CFTR: variants seen among roughly 807,000 people sequenced by gnomAD.
CFTR encodes cystic fibrosis transmembrane conductance regulator.
A neutral mutation model predicts 171.6 loss-of-function variants in CFTR; 181 were observed. The observed-to-expected ratio is 1.05, with a 90% CI of 0.93 to 1.19. The LOEUF is 1.19. Ranked by LOEUF, CFTR falls within the 50% of genes most tolerant of loss-of-function variation. The pLI, the probability that CFTR is intolerant of heterozygous loss-of-function variation, is 0.00. For missense variants in CFTR, 1,968 were observed against 1,734.7 expected, an observed-to-expected ratio of 1.13 and a Z score of -2.39; for synonymous variants, 583 against 608.0, an observed-to-expected ratio of 0.96 and a Z score of 0.60.
chr7:117,533,471 T>G (rs916182296), intron 4 of CFTR, among the ~76,000 whole-genome samples: 3 of 152,112 alleles, frequency 2.0e-5, no homozygotes, highest in African/African-American at 7.2e-5. Flanking sequence ...GAAGAAGGGA[T>G]TGTGTTTTCA....
chr7:117,658,309 A>G (rs1440806593), intron 24 of CFTR, among the ~76,000 whole-genome samples: 1 of 152,168 alleles, frequency 6.6e-6, no homozygotes, highest in Non-Finnish European at 1.5e-5. Flanking sequence ...TTTCAAGTTT[A>G]CATGTAAAAT....
chr7:117,489,443 A>C (rs900765440), intron 1 of CFTR, among the ~76,000 whole-genome samples: 1 of 152,114 alleles, frequency 6.6e-6, no homozygotes, highest in African/African-American at 2.4e-5. Context: ...TTCTATAACC[A>C]ATATCACCTT....
chr7:117,579,059 C>T (rs1327829863), intron 11 of CFTR, among the ~76,000 whole-genome samples: 1 of 151,820 alleles, frequency 6.6e-6, no homozygotes, highest in Non-Finnish European at 1.5e-5. Flanking sequence ...TTTTTTTCTA[C>T]TTGCAATAAC....
At chr7:117,643,298 G>A (rs536239097) in intron 23 of CFTR, among the ~76,000 whole-genome samples, 15 of 152,132 alleles carry the variant, frequency 9.9e-5, no homozygotes, top group African/African-American at 3.4e-4. Flanking sequence ...TAGTCTTTCC[G>A]GGTATATTCA....
At chr7:117,645,127 C>G (rs548315620) in intron 23 of CFTR, among the ~76,000 whole-genome samples, 46 of 152,076 alleles carry the variant, frequency 3.0e-4, no homozygotes, top group Non-Finnish European at 5.4e-4. Context: ...GCATCTTTTG[C>G]TCTGGGAGAT....
chr7:117,496,646 G>A (rs1018492400), intron 1 of CFTR, among the ~76,000 whole-genome samples: 9 of 152,184 alleles, frequency 5.9e-5, no homozygotes, highest in African/African-American at 2.2e-4. Context: ...TTGTGTACAA[G>A]TTTTTGTGCA....
At chr7:117,484,006 TATG>T (rs1230938645) in intron 1 of CFTR, among the ~76,000 whole-genome samples, 1 of 152,212 alleles carries the variant, frequency 6.6e-6, no homozygotes, top group African/African-American at 2.4e-5. Context: ...TTATATAAAT[TATG>T]ATACACTATT....
chr7:117,573,905 G>C (rs942993619), intron 11 of CFTR, among the ~76,000 whole-genome samples: 2 of 152,090 alleles, frequency 1.3e-5, no homozygotes, highest in Non-Finnish European at 1.5e-5. Flanking sequence ...AATTTTTGTG[G>C]ATAACTCCAA....
chr7:117,630,709 G>A (rs1439390932), intron 22 of CFTR, among the ~76,000 whole-genome samples: 3 of 152,150 alleles, frequency 2.0e-5, no homozygotes, highest in African/African-American at 7.2e-5. Flanking sequence ...CCAGTCCACG[G>A]TGGGCATGCC....
chr7:117,595,187 A>C, intron 15 of CFTR, 129 bp downstream of exon 15: 1 of 667,626 alleles, frequency 1.5e-6, no homozygotes. Context: ...AAGTATGCAT[A>C]TATACACACA....
intron 21 of CFTR, 51 bp from the exon 22 acceptor site, chr7:117,627,471 T>C: frequency 6.3e-7 from 1 of 1,599,298 alleles, no homozygotes; most frequent in Non-Finnish European, 8.6e-7. Context: ...AAACTAATTG[T>C]GAAATTGTCT....
At chr7:117,577,398 A>T (rs1254818817) in intron 11 of CFTR, among the ~76,000 whole-genome samples, 2 of 152,154 alleles carry the variant, frequency 1.3e-5, no homozygotes, top group Non-Finnish European at 2.9e-5. Flanking sequence ...TGAATGATGA[A>T]CAACTTGAAT....
intron 22 of CFTR, among the ~76,000 whole-genome samples, chr7:117,637,087 G>A (rs1047901863): frequency 2.6e-5 from 4 of 152,238 alleles, no homozygotes; most frequent in Middle Eastern, 3.4e-3. Context: ...AAATTGCTGG[G>A]ATTATAGGTG....
At chr7:117,498,227 A>G (rs1369650260) in intron 1 of CFTR, among the ~76,000 whole-genome samples, 4 of 152,140 alleles carry the variant, frequency 2.6e-5, no homozygotes, top group African/African-American at 9.6e-5. Context: ...TTACCTACCT[A>G]GAGAAAGAAA....
At chr7:117,557,049 C>A (rs1466714104) in intron 10 of CFTR, among the ~76,000 whole-genome samples, 2 of 151,638 alleles carry the variant, frequency 1.3e-5, no homozygotes, top group Non-Finnish European at 2.9e-5. Flanking sequence ...AGATGTTTGA[C>A]GCTTTTTTAA....
intron 11 of CFTR, among the ~76,000 whole-genome samples, chr7:117,583,694 G>A (rs1198352520): frequency 1.3e-5 from 2 of 151,874 alleles, no homozygotes; most frequent in Non-Finnish European, 2.9e-5. Flanking sequence ...ATACCCAGCA[G>A]TGGGACTGCT....
intron 1 of CFTR, among the ~76,000 whole-genome samples, chr7:117,492,724 G>A (rs991997456): frequency 2.6e-5 from 4 of 151,914 alleles, no homozygotes; most frequent in African/African-American, 9.7e-5. Context: ...GGAAACATGG[G>A]GCGTTGGCAG....
chr7:117,558,267 T>G (rs747514888), intron 10 of CFTR, among the ~76,000 whole-genome samples: 7 of 152,160 alleles, frequency 4.6e-5, no homozygotes, highest in Non-Finnish European at 8.8e-5. Flanking sequence ...CTAATAACTT[T>G]ATGTTAAATT....
Position 117,504,315 on chromosome 7 carries a change from A to C in CFTR, c.116A>C (p.Gln39Pro), listed in dbSNP as rs996012692. The change falls in exon 2 of 27, where the codon CAA becomes CCA. Residue 39 changes from glutamine to proline, a missense_variant. Transcript: ENST00000003084. ...RQRLELSDIY[Q>P]IPSVDSADNL... is the part of the protein sequence containing the mutation. Reference sequence around the variant, plus strand: ...CGCCTGGAATTGTCAGACATATACCAAATCCCTTCTGTTGATTCTGCTGAC... The same window carrying C: ...CGCCTGGAATTGTCAGACATATACCCAATCCCTTCTGTTGATTCTGCTGAC... The C allele has an allele frequency of 6.2e-7, 1 of 1,612,604 alleles. No homozygotes were observed.
Sources: allele counts gnomAD v4.1 joint callset (sites outside exome capture counted in the v4.1 genomes callset), GRCh38; gene constraint gnomAD v4.1.1; transcripts MANE v1.5; gene names NCBI Gene and HGNC (gene_info 2026-07-23, HGNC 2026-07-21).